Variants in TMEM131 observed in about 807,000 individuals in gnomAD.
The protein encoded by TMEM131 is 2610524E03Rik.
In TMEM131, 66 loss-of-function variants were observed where a neutral mutation model predicts 211.6. The observed-to-expected ratio is 0.31, with a 90% CI of 0.26 to 0.38. TMEM131 has a LOEUF of 0.38. TMEM131 is among the 10% of genes least tolerant of loss of function. TMEM131 has a pLI of 1.00. For missense variants in TMEM131, 2,036 were observed against 2,299.3 expected (o/e 0.89, Z 2.34); for synonymous variants, 844 against 841.3 (o/e 1.00, Z -0.06).
intron 31 of TMEM131, among the ~76,000 whole-genome samples, chr2:97,779,318 G>A (rs551996007): frequency 1.3e-5 from 2 of 152,374 alleles, no homozygotes; most frequent in South Asian, 2.1e-4. Flanking sequence ...AATACTGGAT[G>A]CCTTCCCTAA....
At chr2:97,789,241 C>T (rs1293739402) in intron 31 of TMEM131, among the ~76,000 whole-genome samples, 3 of 152,244 alleles carry the variant, frequency 2.0e-5, no homozygotes, top group African/African-American at 7.2e-5. Flanking sequence ...CCACTGCTTT[C>T]TGTTATGCTG....
In TMEM131 at chr2:97,758,955, G is replaced by A. The variant is rs1559339115; in HGVS notation, c.5305C>T (p.Pro1769Ser). 6.2e-7 allele frequency: 1 copy of A among 1,613,954 alleles called. No homozygotes were observed. Among genetic ancestry groups the A allele is most frequent in the Non-Finnish European group, 8.5e-7 (1 of 1,179,910 alleles). ...CAGGAAGGACTGGGATCTGTCGCTG[G>A]CGACTCCCAAAGGTATGAAGGGCCA... Reference protein sequence around the residue: ...NSGPSYLWESPATDPSPSWPA... With the variant: ...NSGPSYLWESSATDPSPSWPA... The change falls in exon 40 of 41, where the codon CCA becomes TCA. Residue 1769 changes from proline (P) to serine (S), a missense_variant. Around this residue, in one of 3 missense-constraint regions of TMEM131, gnomAD observed 1,623 missense variants for 1,805.9 expected, o/e 0.90. Transcript: ENST00000186436.
chr2:97,846,447 T>C (rs983911986), intron 5 of TMEM131, among the ~76,000 whole-genome samples: 1 of 152,170 alleles, frequency 6.6e-6, no homozygotes, highest in African/African-American at 2.4e-5. Context: ...CACAAGATCA[T>C]CTCAACAGCA....
intron 32 of TMEM131, among the ~76,000 whole-genome samples, chr2:97,775,028 C>A (rs1177534543): frequency 6.6e-6 from 1 of 151,964 alleles, no homozygotes. Flanking sequence ...GGTCAATAGA[C>A]TAAAACTAAA....
intron 19 of TMEM131, among the ~76,000 whole-genome samples, chr2:97,809,261 A>AT (rs1193605048): frequency 6.6e-6 from 1 of 152,118 alleles, no homozygotes; most frequent in Non-Finnish European, 1.5e-5. Flanking sequence ...ACAACTCACT[A>AT]TTGCCTGAAC....
At chr2:97,871,259 T>C (rs1674477952) in intron 4 of TMEM131, among the ~76,000 whole-genome samples, 1 of 152,212 alleles carries the variant, frequency 6.6e-6, no homozygotes, top group Admixed American at 6.5e-5. Flanking sequence ...AAATCTGACA[T>C]AGTTGACGCC....
intron 5 of TMEM131, among the ~76,000 whole-genome samples, chr2:97,844,666 A>G (rs561809941): frequency 4.6e-5 from 7 of 152,278 alleles, no homozygotes; most frequent in Admixed American, 6.5e-5. Context: ...CCTCAACCTT[A>G]TGAAATCTGC....
intron 1 of TMEM131, among the ~76,000 whole-genome samples, chr2:97,969,216 T>C (rs530219213): frequency 1.3e-5 from 2 of 152,336 alleles, no homozygotes; most frequent in Admixed American, 6.5e-5. Context: ...CCTTTTATCT[T>C]CAATTGTACA....
intron 3 of TMEM131, among the ~76,000 whole-genome samples, chr2:97,906,819 T>C (rs1676090763): frequency 1.3e-5 from 2 of 152,200 alleles, no homozygotes; most frequent in South Asian, 4.1e-4. Flanking sequence ...CTGTCTTTGC[T>C]GTCCCCTGCC....
At chr2:97,851,060 A>G (rs947675707) in intron 5 of TMEM131, among the ~76,000 whole-genome samples, 12 of 151,408 alleles carry the variant, frequency 7.9e-5, no homozygotes, top group Admixed American at 4.0e-4. Flanking sequence ...TACCACTAAG[A>G]AACCGTAATT....
intron 1 of TMEM131, among the ~76,000 whole-genome samples, chr2:97,994,862 C>T (rs986616108): frequency 5.9e-5 from 9 of 152,102 alleles, no homozygotes; most frequent in African/African-American, 2.2e-4. Context: ...TTTTTAAAGG[C>T]TTTCACATCA....
intron 1 of TMEM131, among the ~76,000 whole-genome samples, chr2:97,991,923 G>T (rs1164806116): frequency 1.3e-5 from 2 of 152,174 alleles, no homozygotes; most frequent in Non-Finnish European, 2.9e-5. Context: ...AGGGTCCACT[G>T]TAAGAATTAG....
intron 3 of TMEM131, 28 bp from the exon 4 acceptor site, chr2:97,888,148 A>C (rs763486883): frequency 7.6e-6 from 12 of 1,579,382 alleles, no homozygotes; most frequent in Non-Finnish European, 8.7e-6. Context: ...ACAACATAAG[A>C]AGCAATTCTT....
intron 15 of TMEM131, among the ~76,000 whole-genome samples, chr2:97,813,563 TG>T (rs1681666965): frequency 6.6e-6 from 1 of 152,244 alleles, no homozygotes; most frequent in Non-Finnish European, 1.5e-5. Context: ...CTTTACTATC[TG>T]ATTCTCTTCT....
chr2:97,970,335 G>A (rs1421645134), intron 1 of TMEM131, among the ~76,000 whole-genome samples: 1 of 152,150 alleles, frequency 6.6e-6, no homozygotes, highest in Non-Finnish European at 1.5e-5. Flanking sequence ...TTCACTGGAG[G>A]CAAGGTGCGG....
At chr2:97,788,043 G>T (rs1435599406) in intron 31 of TMEM131, among the ~76,000 whole-genome samples, 1 of 151,950 alleles carries the variant, frequency 6.6e-6, no homozygotes, top group African/African-American at 2.4e-5. Context: ...TTGCTAATTC[G>T]ACACTGCCAG....
At chr2:97,912,206 C>T (rs772358187) in intron 2 of TMEM131, among the ~76,000 whole-genome samples, 2 of 151,744 alleles carry the variant, frequency 1.3e-5, no homozygotes, top group Admixed American at 1.3e-4. Flanking sequence ...TGTTATAATT[C>T]GACAGTGAAA....
chr2:97,917,833 T>A (rs1254384385), intron 2 of TMEM131, among the ~76,000 whole-genome samples: 1 of 152,180 alleles, frequency 6.6e-6, no homozygotes, highest in African/African-American at 2.4e-5. Flanking sequence ...AGGTAAGGTA[T>A]GGCTGATTCA....
intron 3 of TMEM131, among the ~76,000 whole-genome samples, chr2:97,891,282 G>T (rs1559427989): frequency 6.6e-6 from 1 of 152,050 alleles, no homozygotes; most frequent in Non-Finnish European, 1.5e-5. Flanking sequence ...CTATTTTTGA[G>T]AGACAGGGGT....
Sources: gnomAD v4.1 joint callset for allele counts (sites outside exome capture counted in the v4.1 genomes callset) on GRCh38, gnomAD v4.1.1 for gene constraint, gnomAD v4.1.1 regional missense constraint, MANE v1.5 for transcripts, NCBI Gene and HGNC (gene_info 2026-07-23, HGNC 2026-07-21) for gene names.